SEMA5A: variants seen among roughly 807,000 people sequenced by gnomAD.
The protein encoded by SEMA5A is semaphorin-5A.
In SEMA5A, 55 loss-of-function variants were observed where a neutral mutation model predicts 135.5. The observed-to-expected ratio is 0.41, with a 90% CI of 0.33 to 0.51. SEMA5A has a LOEUF of 0.51. Ranked by LOEUF, SEMA5A falls within the 20% of genes least tolerant of loss-of-function variation. SEMA5A has a pLI of 0.37. For synonymous variants in SEMA5A, 580 were observed against 546.5 expected, an observed-to-expected ratio of 1.06 and a Z score of -0.85; for missense variants, 1,290 against 1,419.9, an observed-to-expected ratio of 0.91 and a Z score of 1.47.
rs1735704071 is a variant in SEMA5A at position 9,037,299 on chromosome 5, G to A, written c.*5598C>T. ...GAGTAAGCTTGATTGCCTTTCTATG[G>A]CAGATATGAGCTAATATGATCCATC... On this transcript the variant is annotated 3_prime_UTR_variant, in exon 23 of 23. Transcript: ENST00000382496. 6.6e-6 allele frequency: 1 copy of A among 152,170 alleles called. No homozygotes were observed. Among genetic ancestry groups the A allele is most frequent in the Non-Finnish European group, 1.5e-5 (1 of 68,026 alleles). 9.4% of individuals were successfully genotyped at this position (152,170 alleles called of 1,614,324 possible). A position where few individuals can be genotyped will look rare whatever the true frequency, so the allele number is the denominator to read the frequency against.
Position 9,326,055 on chromosome 5 carries a change from C to T in SEMA5A, c.225-7638G>A, listed in dbSNP as rs544812639. ...ATCCAAAGACAAAACAGACACTGCC[C>T]ATGAGCCAGTTGGGGAAGGCTGAGA... On this transcript the variant is annotated intron_variant, in intron 4 of 22. Coordinates refer to ENST00000382496, the MANE Select transcript of SEMA5A (RefSeq NM_003966.3). Among the ~76,000 whole-genome samples, 10 of 152,300 alleles carry T rather than the reference C, an allele frequency of 6.6e-5. No homozygotes were observed. In the South Asian group the frequency reaches 2.1e-3, roughly 32 times the overall value.
chr5:9,217,211 G>A (rs761578435), intron 8 of SEMA5A, among the ~76,000 whole-genome samples: 2 of 152,196 alleles, frequency 1.3e-5, no homozygotes. Context: ...CTTATCTGAA[G>A]AGAATCTTAT....
chr5:9,122,232 A>G (rs533534470), intron 14 of SEMA5A, among the ~76,000 whole-genome samples: 1 of 152,314 alleles, frequency 6.6e-6, no homozygotes, highest in East Asian at 1.9e-4. Context: ...ACGTTAGCTC[A>G]GGTGAGGTGC....
rs148457550 is a variant in SEMA5A, at chr5:9,375,988, G to A, written c.124+3835C>T. ...AACAGCCAAGAATGTGGGGATTGCA[G>A]TCAGGGCTTCCTTCTCATTCCTGCT... is the stretch of plus-strand genomic sequence containing the variant. On this transcript the variant is annotated intron_variant, in intron 3 of 22. Transcript: ENST00000382496. 6.9e-3 allele frequency among the ~76,000 whole-genome samples: 1,044 copies of A among 152,166 alleles called. 6 individuals are homozygous for A. Among genetic ancestry groups the A allele is most frequent in the African/African-American group, 0.024 (1,003 of 41,490 alleles).
At chr5:9,056,899 A>G (rs1736923195) in intron 18 of SEMA5A, among the ~76,000 whole-genome samples, 1 of 152,258 alleles carries the variant, frequency 6.6e-6, no homozygotes, top group African/African-American at 2.4e-5. Flanking sequence ...AGATGAATGG[A>G]TAAAGCAAAT....
intron 1 of SEMA5A, among the ~76,000 whole-genome samples, chr5:9,499,969 G>T (rs1735497267): frequency 6.6e-6 from 1 of 152,094 alleles, no homozygotes. Context: ...ACAGCAATAG[G>T]TTCATAAATA....
intron 15 of SEMA5A, 31 bp downstream of exon 15, chr5:9,118,967 T>TG: frequency 2.5e-6 from 4 of 1,607,196 alleles, no homozygotes; most frequent in Non-Finnish European, 3.4e-6. Context: ...AGCGTGAGGC[T>TG]GGCGGTGCTG....
chr5:9,251,051 T>C (rs1362761464), intron 5 of SEMA5A, among the ~76,000 whole-genome samples: 2 of 152,160 alleles, frequency 1.3e-5, no homozygotes, highest in Non-Finnish European at 2.9e-5. Context: ...TCCTACTAAA[T>C]GGGACTAATG....
chr5:9,316,219 C>A (rs1222290500), intron 5 of SEMA5A, among the ~76,000 whole-genome samples: 1 of 152,142 alleles, frequency 6.6e-6, no homozygotes, highest in Non-Finnish European at 1.5e-5. Flanking sequence ...ATGACACACC[C>A]TCATCATTCT....
chr5:9,245,917 A>G (rs1173440694), intron 5 of SEMA5A, among the ~76,000 whole-genome samples: 1 of 152,164 alleles, frequency 6.6e-6, no homozygotes, highest in Non-Finnish European at 1.5e-5. Flanking sequence ...GTGATGGAAG[A>G]TGAGTTCCAA....
In SEMA5A at chr5:9,035,155, G is replaced by A. The variant is rs1242735084; in HGVS notation, c.*7742C>T. The A allele has an allele frequency of 6.6e-6, 1 of 152,392 alleles. No individual in the cohort carries two copies. The highest frequency in any genetic ancestry group is 1.5e-5 in the Non-Finnish European group (1 of 68,010). 9.4% of individuals were successfully genotyped at this position (152,392 alleles called of 1,614,324 possible). ...TACTGTACACAATCAGGATTCCCTT[G>A]TTTTGTTCCCCCCACAAATGGCAGC... On this transcript the variant is annotated 3_prime_UTR_variant, in exon 23 of 23. Transcript: ENST00000382496.
intron 4 of SEMA5A, among the ~76,000 whole-genome samples, chr5:9,318,811 T>C (rs1189780810): frequency 2.0e-5 from 3 of 152,206 alleles, no homozygotes; most frequent in East Asian, 1.9e-4. Flanking sequence ...AAATTCACCA[T>C]GTTTTATAAT....
intron 4 of SEMA5A, among the ~76,000 whole-genome samples, chr5:9,328,252 G>A (rs1246682749): frequency 6.6e-6 from 1 of 152,124 alleles, no homozygotes; most frequent in Non-Finnish European, 1.5e-5. Context: ...CACTGCCTAA[G>A]TCTAAGCACC....
At chr5:9,168,441 T>C (rs1292605759) in intron 11 of SEMA5A, among the ~76,000 whole-genome samples, 1 of 152,190 alleles carries the variant, frequency 6.6e-6, no homozygotes, top group Admixed American at 6.5e-5. Flanking sequence ...ATTCTTTAAC[T>C]GCCAGGAGCC....
In SEMA5A at chr5:9,035,314, G is replaced by A. The variant is rs1735588010; in HGVS notation, c.*7583C>T. ...AGAAACTGTCAATGCACCAAGAGCA[G>A]TAAGAGAGCACAACATATTCACTTC... On this transcript the variant is annotated 3_prime_UTR_variant, in exon 23 of 23. Coordinates refer to ENST00000382496, the MANE Select transcript of SEMA5A (RefSeq NM_003966.3). The A allele has an allele frequency of 6.6e-6, 1 of 152,156 alleles. No individual in the cohort carries two copies. The highest frequency in any genetic ancestry group is 2.4e-5 in the African/African-American group (1 of 41,444). 9.4% of individuals were successfully genotyped at this position (152,156 alleles called of 1,614,324 possible). A position where few individuals can be genotyped will look rare whatever the true frequency, so the allele number is the denominator to read the frequency against.
At chr5:9,533,361 T>C (rs1737564699) in intron 1 of SEMA5A, among the ~76,000 whole-genome samples, 1 of 152,234 alleles carries the variant, frequency 6.6e-6, no homozygotes, top group Admixed American at 6.5e-5. Flanking sequence ...ATTTTCGAGT[T>C]TGTCCATAAG....
In SEMA5A at chr5:9,178,331, C is replaced by CTTT. The variant is rs5865809; in HGVS notation, c.1273+11933_1273+11935dup. Among the ~76,000 whole-genome samples the CTTT allele has an allele frequency of 5.7e-5, 7 of 123,598 alleles. No individual in the cohort carries two copies. In the East Asian group the frequency reaches 7.0e-4, roughly 12 times the overall value. 81.1% of individuals were successfully genotyped at this position (123,598 alleles called of 152,430 possible). A position where few individuals can be genotyped will look rare whatever the true frequency, so the allele number is the denominator to read the frequency against. Reference sequence around the variant, plus strand: ...GCTCTCTTTCTTTTTTTTTTCTCTCCTTTTTTTTTTTTTTTTGTTGAGATG... The same window carrying CTTT: ...GCTCTCTTTCTTTTTTTTTTCTCTCCTTTTTTTTTTTTTTTTTTTGTTGAGATG... On this transcript the variant is annotated intron_variant, in intron 11 of 22. Coordinates refer to ENST00000382496, the MANE Select transcript of SEMA5A (RefSeq NM_003966.3).
At position 9,108,206 on chromosome 5, in the gene SEMA5A, G is replaced by A. The variant is rs745821587; in HGVS notation, c.2007C>T (p.Cys669=). ...TGCGGCGAGCTTGAATGCCACCCCC[G>A]CATTGGGCTGTGCACCGTTCCCAAG... ...WGPWERCTAQ[C]GGGIQARRRI... The change falls in exon 16 of 23, where the codon TGC becomes TGT. Residue 669 remains cysteine, a synonymous_variant. Transcript: ENST00000382496. 3.7e-6 allele frequency: 6 copies of A among 1,613,994 alleles called. No homozygotes were observed. Among genetic ancestry groups the A allele is most frequent in the Admixed American group, 3.3e-5 (2 of 60,000 alleles).
chr5:9,126,525 C>T (rs1162806464), intron 13 of SEMA5A, among the ~76,000 whole-genome samples: 1 of 148,826 alleles, frequency 6.7e-6, no homozygotes, highest in Non-Finnish European at 1.5e-5. Context: ...ACTCAGAAAG[C>T]CAAATGCACT....
Sources: gnomAD v4.1 joint callset for allele counts (sites outside exome capture counted in the v4.1 genomes callset) on GRCh38, gnomAD v4.1.1 for gene constraint, MANE v1.5 for transcripts, NCBI Gene and HGNC (gene_info 2026-07-23, HGNC 2026-07-21) for gene names.